Variants in PKD2L1 observed in about 807,000 individuals in gnomAD.
PKD2L1 encodes polycystin-2-like protein 1.
Under a neutral mutation model 93.0 loss-of-function variants are expected in PKD2L1, and 77 were observed. The ratio of observed to expected loss-of-function variants is 0.83; its 90% CI spans 0.69 to 1.00. The LOEUF (loss-of-function observed/expected upper bound fraction) is 1.00, where lower values mean the gene tolerates loss of function less well. PKD2L1 is among the 50% of genes least tolerant of loss of function. PKD2L1 has a pLI of 0.00. For synonymous variants in PKD2L1, 390 were observed against 388.0 expected, an observed-to-expected ratio of 1.01 and a Z score of -0.06; for missense variants, 977 against 990.9, an observed-to-expected ratio of 0.99 and a Z score of 0.19.
chr10:100,311,995 CTT>C (rs1489056573), intron 2 of PKD2L1, among the ~76,000 whole-genome samples: 3 of 152,200 alleles, frequency 2.0e-5, no homozygotes, highest in Non-Finnish European at 4.4e-5. Flanking sequence ...AGTCACTCCT[CTT>C]GGGCAATTCC....
intron 2 of PKD2L1, among the ~76,000 whole-genome samples, chr10:100,305,409 C>T (rs549078094): frequency 5.3e-4 from 80 of 152,256 alleles, no homozygotes; most frequent in Middle Eastern, 6.8e-3. Context: ...CCACCACACC[C>T]GGCCAAGTGA....
chr10:100,322,400 G>A lies in PKD2L1; in HGVS notation c.349+6811C>T, dbSNP rs556740650. On this transcript the variant is annotated intron_variant, in intron 2 of 15. Transcript: ENST00000318222. ...AAATTAGCCGGGCATGGTCGTGGGC[G>A]CCTGTAATCCCAGGTACACGGGAGG... 9.2e-5 allele frequency among the ~76,000 whole-genome samples: 14 copies of A among 152,024 alleles called. No individual in the cohort carries two copies. The East Asian group carries it at 2.1e-3, about 23-fold the overall frequency.
chr10:100,327,526 T>G (rs1849404994), intron 2 of PKD2L1, among the ~76,000 whole-genome samples: 1 of 152,116 alleles, frequency 6.6e-6, no homozygotes, highest in Admixed American at 6.6e-5. Flanking sequence ...TCACTGTAAC[T>G]CTGGGGAGCT....
intron 2 of PKD2L1, among the ~76,000 whole-genome samples, chr10:100,312,017 T>C (rs1424712622): frequency 1.3e-5 from 2 of 152,172 alleles, no homozygotes; most frequent in African/African-American, 4.8e-5. Context: ...CTCCTTCCAT[T>C]ATCTTTGCTG....
intron 2 of PKD2L1, among the ~76,000 whole-genome samples, chr10:100,314,999 GAA>G (rs1564891290): frequency 8.4e-5 from 1 of 11,900 alleles, no homozygotes; most frequent in South Asian, 4.3e-3. Context: ...AGGAAGGAAG[GAA>G]GGAAGGAAGG....
At chr10:100,307,974 G>A (rs1312972614) in intron 2 of PKD2L1, among the ~76,000 whole-genome samples, 5 of 152,178 alleles carry the variant, frequency 3.3e-5, no homozygotes, top group Non-Finnish European at 7.4e-5. Context: ...ATGCCAGTAC[G>A]TCACTACCAT....
chr10:100,322,322 T>G (rs1288901169), intron 2 of PKD2L1, among the ~76,000 whole-genome samples: 1 of 151,816 alleles, frequency 6.6e-6, no homozygotes, highest in Non-Finnish European at 1.5e-5. Flanking sequence ...AGGTCAGGAG[T>G]TCCAGACCAG....
chr10:100,327,743 GC>G (rs1314722150), intron 2 of PKD2L1, among the ~76,000 whole-genome samples: 1 of 152,224 alleles, frequency 6.6e-6, no homozygotes, highest in East Asian at 1.9e-4. Context: ...AATTGAAAGG[GC>G]CCCACAATAT....
At chr10:100,296,053 AAAAAG>A (rs1467095449) in intron 7 of PKD2L1, 64 bp downstream of exon 7, 6 of 1,440,232 alleles carry the variant, frequency 4.2e-6, no homozygotes, top group South Asian at 2.6e-5. Flanking sequence ...AAAAAAGAAA[AAAAAG>A]AAAAGAAAAG....
At position 100,300,854 on chromosome 10, in the gene PKD2L1, A is replaced by AT. The variant is rs35348493; in HGVS notation, c.350-1137dup. Among the ~76,000 whole-genome samples, 165 of 151,316 alleles carry AT rather than the reference A, an allele frequency of 1.1e-3. 2 individuals carry two copies. The highest frequency in any genetic ancestry group is 4.9e-3 in the East Asian group (25 of 5,142). On this transcript the variant is annotated intron_variant, in intron 2 of 15. Transcript: ENST00000318222. ...TTATTACTAACATTGTCAAATGGTG[A>AT]TTTTTTTTTTCACTGTTGTTGCCCA... is the stretch of plus-strand genomic sequence containing the variant.
chr10:100,316,505 C>T (rs1849104902), intron 2 of PKD2L1, among the ~76,000 whole-genome samples: 1 of 152,232 alleles, frequency 6.6e-6, no homozygotes, highest in Non-Finnish European at 1.5e-5. Context: ...CAGCACTTGG[C>T]CTAGGGCCTG....
intron 2 of PKD2L1, among the ~76,000 whole-genome samples, chr10:100,324,645 T>C (rs1849337043): frequency 6.6e-6 from 1 of 152,196 alleles, no homozygotes; most frequent in Non-Finnish European, 1.5e-5. Context: ...CTACTACCAG[T>C]GATTGTGTTT....
At chr10:100,308,052 C>T (rs771674602) in intron 2 of PKD2L1, among the ~76,000 whole-genome samples, 1 of 151,790 alleles carries the variant, frequency 6.6e-6, no homozygotes, top group Non-Finnish European at 1.5e-5. Context: ...TGAGAATGTG[C>T]GAAGGGGTTT....
chr10:100,294,860 A>G, intron 8 of PKD2L1, 82 bp downstream of exon 8: 1 of 1,372,058 alleles, frequency 7.3e-7, no homozygotes, highest in Non-Finnish European at 1.0e-6. Flanking sequence ...ACACGCACGT[A>G]CCCATCTTCC....
intron 2 of PKD2L1, among the ~76,000 whole-genome samples, chr10:100,317,820 C>T (rs1849133949): frequency 6.6e-6 from 1 of 152,118 alleles, no homozygotes; most frequent in African/African-American, 2.4e-5. Flanking sequence ...GTGCCTCACA[C>T]CTGTAATCCC....
rs573532610 is a variant in PKD2L1, at chr10:100,323,923, G to A, written c.349+5288C>T. Among the ~76,000 whole-genome samples the A allele has an allele frequency of 2.2e-4, 34 of 152,218 alleles. No homozygotes were observed. The East Asian group carries it at 5.6e-3, about 25-fold the overall frequency. On this transcript the variant is annotated intron_variant, in intron 2 of 15. Transcript: ENST00000318222. ...GCTCACTGCAACCTCCGCCTCCCAG[G>A]TTCAAGTGATTCTCCTGTCTCAGCC...
chr10:100,326,421 CTT>C (rs1242559684), intron 2 of PKD2L1, among the ~76,000 whole-genome samples: 4 of 152,230 alleles, frequency 2.6e-5, no homozygotes, highest in Non-Finnish European at 5.9e-5. Flanking sequence ...TTCCCAGAGA[CTT>C]TCTTTCTATT....
chr10:100,329,877 C>T lies in PKD2L1; in HGVS notation c.227G>A (p.Gly76Asp), dbSNP rs779026194. ...VSSCCLHICQGIRGLWGTTLT... is the reference protein window; with the variant it reads ...VSSCCLHICQDIRGLWGTTLT... ...GTCCCCCTATCTGGTACCTCTGATGCCTTGACAGATATGGAGGCAGCAGCT... is the reference window on the plus strand; with the variant it reads ...GTCCCCCTATCTGGTACCTCTGATGTCTTGACAGATATGGAGGCAGCAGCT... Residue 76 changes from glycine to aspartate, a missense_variant, in exon 1 of 16, where the codon GGC (glycine) becomes GAC (aspartate). Physicochemically the swap from Gly to Asp is moderately conservative, Grantham distance 94. Transcript: ENST00000318222. 9 of 1,601,160 alleles carry T rather than the reference C, an allele frequency of 5.6e-6. No homozygotes were observed. In the South Asian group the frequency reaches 7.7e-5, roughly 14 times the overall value.
chr10:100,302,256 T>TACACAC (rs56239118), intron 2 of PKD2L1, among the ~76,000 whole-genome samples: 183 of 147,124 alleles, frequency 1.2e-3, no homozygotes, highest in African/African-American at 2.4e-3. Flanking sequence ...CACACACGCA[T>TACACAC]ACACACACAC....
Sources: allele counts gnomAD v4.1 joint callset (sites outside exome capture counted in the v4.1 genomes callset), GRCh38; gene constraint gnomAD v4.1.1; transcripts MANE v1.5; gene names NCBI Gene and HGNC (gene_info 2026-07-23, HGNC 2026-07-21).